THSD4: variants seen among roughly 807,000 people sequenced by gnomAD.
The protein encoded by THSD4 is thrombospondin type 1 domain containing 4, also known as thrombospondin type-1 domain-containing protein 4.
In THSD4, 69 loss-of-function variants were observed where a neutral mutation model predicts 119.0. That is an observed-to-expected ratio of 0.58 (90% CI 0.48 to 0.71). The LOEUF is 0.71. Among genes scored for constraint, THSD4 ranks in the 30% least tolerant of loss-of-function variants. THSD4 has a pLI of 0.00. For missense variants in THSD4, 1,393 were observed against 1,391.1 expected (o/e 1.00, Z -0.02); for synonymous variants, 524 against 540.4 (o/e 0.97, Z 0.42).
intron 8 of THSD4, among the ~76,000 whole-genome samples, chr15:71,703,658 A>T (rs1255658722): frequency 6.6e-6 from 1 of 152,176 alleles, no homozygotes; most frequent in Non-Finnish European, 1.5e-5. Flanking sequence ...GTCCAGCTGC[A>T]GGGCTCAGCT....
intron 1 of THSD4, among the ~76,000 whole-genome samples, chr15:71,136,267 C>T (rs528804477): frequency 2.6e-5 from 4 of 152,126 alleles, no homozygotes; most frequent in East Asian, 1.9e-4. Flanking sequence ...CGGGAGCCAA[C>T]GTCCTGATGC....
rs201101237 is a variant in THSD4 at position 71,434,460 on chromosome 15, T to A, written c.1152+22637T>A. Among the ~76,000 whole-genome samples, 822 of 100,642 alleles carry A rather than the reference T, an allele frequency of 8.2e-3. 13 individuals are homozygous for A. The highest frequency in any genetic ancestry group is 0.023 in the African/African-American group (734 of 31,472). The allele number at this position is 100,642 out of a possible 152,430, so 66.0% of individuals were successfully genotyped here. A position where few individuals can be genotyped will look rare whatever the true frequency, so the allele number is the denominator to read the frequency against. On this transcript the variant is annotated intron_variant, in intron 7 of 17. Transcript: ENST00000261862. The stretch of plus-strand genomic sequence containing the variant: ...TTTTTTTTTTTTTTTTTTTTTTTTT[T>A]TTAATTTCTGAAGGGGTTTAAGGAT...
At chr15:71,405,418 G>A (rs946723163) in intron 6 of THSD4, among the ~76,000 whole-genome samples, 2 of 152,206 alleles carry the variant, frequency 1.3e-5, no homozygotes, top group Non-Finnish European at 1.5e-5. Context: ...GATATGCAAA[G>A]TTATCCCACT....
At position 71,248,229 on chromosome 15, in the gene THSD4, T is replaced by A. The variant is rs185917928; in HGVS notation, c.912+5133T>A. ...CCAGGAGTTGGAGGATGCATTGAAC[T>A]ATGATCACACCACTGCACTCCAGCT... On this transcript the variant is annotated intron_variant, in intron 5 of 17. Transcript: ENST00000261862. Among the ~76,000 whole-genome samples the A allele has an allele frequency of 2.1e-4, 32 of 152,284 alleles. 1 individual carries two copies. Among genetic ancestry groups the A allele is most frequent in the Admixed American group, 1.0e-3 (16 of 15,302 alleles).
chr15:71,484,123 T>C (rs2047777756), intron 7 of THSD4, among the ~76,000 whole-genome samples: 1 of 152,168 alleles, frequency 6.6e-6, no homozygotes, highest in Non-Finnish European at 1.5e-5. Context: ...TTTCTCAGGA[T>C]TTGAAACTCA....
intron 7 of THSD4, among the ~76,000 whole-genome samples, chr15:71,447,107 CCATTTTTTTTGTTTT>C (rs1358132716): frequency 7.7e-6 from 1 of 129,558 alleles, no homozygotes; most frequent in Non-Finnish European, 1.6e-5. Context: ...CCTCTTCCCT[CCATTTTTTTTGTTTT>C]TTTTTTTTTT....
chr15:71,427,907 G>A (rs1411767813), intron 7 of THSD4, among the ~76,000 whole-genome samples: 5 of 152,002 alleles, frequency 3.3e-5, no homozygotes, highest in Non-Finnish European at 5.9e-5. Flanking sequence ...GTAAAATTGG[G>A]GTGGGATGTC....
At position 71,224,797 on chromosome 15, in the gene THSD4, G is replaced by T. The variant is rs189118842; in HGVS notation, c.464+9398G>T. 3.8e-3 allele frequency among the ~76,000 whole-genome samples: 573 copies of T among 152,170 alleles called. 4 individuals carry two copies. Among genetic ancestry groups the T allele is most frequent in the Admixed American group, 7.6e-3 (117 of 15,298 alleles). On this transcript the variant is annotated intron_variant, in intron 4 of 17. Coordinates refer to ENST00000261862, the MANE Select transcript of THSD4 (RefSeq NM_024817.3). ...CTTCTGTAATCTCATCTCGTTCTCT[G>T]ACTCTTATCCTCCTACCTCCCACTT...
chr15:71,367,285 G>A (rs1416160407), intron 6 of THSD4, among the ~76,000 whole-genome samples: 2 of 151,452 alleles, frequency 1.3e-5, no homozygotes, highest in Non-Finnish European at 2.9e-5. Flanking sequence ...TTACCACTAT[G>A]CCATTCTTTT....
intron 3 of THSD4, among the ~76,000 whole-genome samples, chr15:71,172,704 T>TATATATATATATATATGTGAC (rs2043388909): frequency 9.3e-6 from 1 of 107,732 alleles, no homozygotes; most frequent in African/African-American, 4.6e-5. Context: ...TATATATATA[T>TATATATATATATATATGTGAC]ATATATATAT....
At chr15:71,728,180 C>T (rs66468031) in intron 8 of THSD4, among the ~76,000 whole-genome samples, 25,142 of 152,104 alleles carry the variant, frequency 0.17, 2,271 homozygotes, top group Non-Finnish European at 0.2. Flanking sequence ...GGGCTGCCAG[C>T]GTGCAACCTC....
At chr15:71,735,472 T>C (rs8042878) in intron 10 of THSD4, among the ~76,000 whole-genome samples, 95,533 of 144,816 alleles carry the variant, frequency 0.66, 30,840 homozygotes, top group East Asian at 0.79. Context: ...CTCTCTCTCT[T>C]TCTCACTAGC....
chr15:71,567,776 AGT>A (rs35003821), intron 7 of THSD4, among the ~76,000 whole-genome samples: 34,245 of 150,378 alleles, frequency 0.23, 4,069 homozygotes, highest in South Asian at 0.31. Context: ...AGAGAGAGAG[AGT>A]GTGTGTGTGT....
intron 8 of THSD4, among the ~76,000 whole-genome samples, chr15:71,685,988 A>T (rs2051900760): frequency 1.3e-5 from 2 of 152,174 alleles, no homozygotes; most frequent in African/African-American, 4.8e-5. Flanking sequence ...AGTAATGTTA[A>T]ATTTACAGAA....
intron 7 of THSD4, among the ~76,000 whole-genome samples, chr15:71,412,517 A>G (rs144009518): frequency 4.9e-4 from 75 of 152,258 alleles, no homozygotes; most frequent in African/African-American, 1.8e-3. Flanking sequence ...TCATCTACGT[A>G]TGTATTCATG....
chr15:71,670,623 A>G (rs1412205944), intron 8 of THSD4, among the ~76,000 whole-genome samples: 2 of 148,736 alleles, frequency 1.3e-5, no homozygotes, highest in South Asian at 2.2e-4. Context: ...CATTAGGTAT[A>G]TCTCCTAATG....
intron 7 of THSD4, among the ~76,000 whole-genome samples, chr15:71,441,609 G>A (rs2047093261): frequency 1.3e-5 from 2 of 151,724 alleles, no homozygotes; most frequent in South Asian, 2.1e-4. Context: ...TGGCCAGGCT[G>A]GTCTCGAACT....
chr15:71,545,277 T>C (rs958768865), intron 7 of THSD4, among the ~76,000 whole-genome samples: 2 of 152,194 alleles, frequency 1.3e-5, no homozygotes, highest in African/African-American at 4.8e-5. Context: ...TGGTGACCTT[T>C]CCAGAGCCCT....
intron 6 of THSD4, among the ~76,000 whole-genome samples, chr15:71,369,057 G>C (rs1479183705): frequency 1.3e-5 from 2 of 152,114 alleles, no homozygotes; most frequent in African/African-American, 4.8e-5. Context: ...ATTGTGAATG[G>C]GAGTTCACTC....
Sources: allele counts gnomAD v4.1 joint callset (sites outside exome capture counted in the v4.1 genomes callset), GRCh38; gene constraint gnomAD v4.1.1; transcripts MANE v1.5; gene names NCBI Gene and HGNC (gene_info 2026-07-23, HGNC 2026-07-21).